The following FAM228B variants were observed in gnomAD, a reference collection of about 807,000 sequenced individuals.
The protein encoded by FAM228B is protein FAM228B.
Under a neutral mutation model 42.6 loss-of-function variants are expected in FAM228B, and 38 were observed. The ratio of observed to expected loss-of-function variants is 0.89; its 90% CI spans 0.69 to 1.17. The LOEUF (loss-of-function observed/expected upper bound fraction) is 1.17, where lower values mean the gene tolerates loss of function less well. Ranked by LOEUF, FAM228B falls within the 50% of genes most tolerant of loss-of-function variation. The pLI, the probability that FAM228B is intolerant of heterozygous loss-of-function variation, is 0.00. For missense variants in FAM228B, 344 were observed against 367.3 expected (o/e 0.94, Z 0.52); for synonymous variants, 109 against 122.3 (o/e 0.89, Z 0.72).
intron 3 of FAM228B, among the ~76,000 whole-genome samples, chr2:24,136,302 C>A (rs147111190): frequency 7.8e-4 from 119 of 152,210 alleles, no homozygotes; most frequent in Non-Finnish European, 1.6e-3. Flanking sequence ...TCTCGGCTCA[C>A]TGCAACTTCC....
chr2:24,142,880 T>G (rs1243671924), intron 5 of FAM228B: 2 of 152,230 alleles, frequency 1.3e-5, no homozygotes, highest in African/African-American at 2.4e-5. Flanking sequence ...TTCTTTGATA[T>G]TCAGTAATGA....
At chr2:24,139,245 A>G (rs1480714842) in intron 4 of FAM228B, 125 bp from the exon 5 acceptor site, 4 of 448,844 alleles carry the variant, frequency 8.9e-6, no homozygotes, top group South Asian at 6.2e-5. Context: ...TTCTTTTTGC[A>G]TTTGTCACTG....
intron 2 of FAM228B, among the ~76,000 whole-genome samples, chr2:24,132,464 GTT>G (rs548264853): frequency 1.5e-3 from 86 of 56,000 alleles, no homozygotes; most frequent in East Asian, 4.4e-3. Context: ...TCCTGGGATT[GTT>G]TTTTTTTTTT....
At chr2:24,102,219 A>C (rs189567118) in intron 3 of FAM228B, among the ~76,000 whole-genome samples, 1 of 148,666 alleles carries the variant, frequency 6.7e-6, no homozygotes, top group African/African-American at 2.4e-5. Flanking sequence ...CCAATCTGTT[A>C]CTCAGTCACA....
intron 3 of FAM228B, among the ~76,000 whole-genome samples, chr2:24,108,709 A>G (rs4665658): frequency 1 from 151,961 of 152,102 alleles, 75,910 homozygotes; most frequent in Middle Eastern, 1. Flanking sequence ...AGACCATCCT[A>G]GCTAACACGG....
intron 2 of FAM228B, 96 bp from the exon 3 acceptor site, chr2:24,135,023 T>G: frequency 1.2e-6 from 1 of 801,930 alleles, no homozygotes; most frequent in African/African-American, 1.8e-5. Flanking sequence ...TAGAGAACTT[T>G]CCAGGGATAT....
At chr2:24,135,313 G>A (rs1666553821) in intron 3 of FAM228B, 126 bp downstream of exon 3, 9 of 582,368 alleles carry the variant, frequency 1.5e-5, no homozygotes, top group Middle Eastern at 4.6e-4. Context: ...ACACTCCCTT[G>A]CACCTGGAAT....
chr2:24,119,393 G>A (rs2151005832), upstream of FAM228B, among the ~76,000 whole-genome samples: 1 of 152,172 alleles, frequency 6.6e-6, no homozygotes, highest in East Asian at 1.9e-4. Context: ...TCCAGTCCCT[G>A]AATCTACCTT....
At chr2:24,089,038 A>C (rs900377829) in intron 2 of FAM228B, among the ~76,000 whole-genome samples, 1 of 152,186 alleles carries the variant, frequency 6.6e-6, no homozygotes, top group Non-Finnish European at 1.5e-5. Flanking sequence ...TTTAGTAGAA[A>C]TGTATCCAAT....
chr2:24,079,512 G>A, intron 1 of FAM228B: 1 of 1,613,374 alleles, frequency 6.2e-7, no homozygotes, highest in Non-Finnish European at 8.5e-7. Context: ...TTTGAAAACA[G>A]GGGCCCATTG....
chr2:24,092,651 G>C (rs1310071215), intron 2 of FAM228B, among the ~76,000 whole-genome samples: 9 of 152,144 alleles, frequency 5.9e-5, no homozygotes, highest in Non-Finnish European at 2.9e-5. Flanking sequence ...TAAGGAGTTT[G>C]TCCTGTAGAA....
intron 3 of FAM228B, among the ~76,000 whole-genome samples, chr2:24,136,755 G>A (rs967860571): frequency 2.0e-5 from 3 of 152,218 alleles, no homozygotes; most frequent in East Asian, 3.9e-4. Flanking sequence ...CAGTGTATGC[G>A]ATATAAAAGT....
intron 3 of FAM228B, among the ~76,000 whole-genome samples, chr2:24,110,294 G>A (rs1665768486): frequency 6.6e-6 from 1 of 152,094 alleles, no homozygotes; most frequent in African/African-American, 2.4e-5. Context: ...GTGGAGGGTG[G>A]GAGGAGGGAG....
intron 2 of FAM228B, among the ~76,000 whole-genome samples, chr2:24,081,338 A>G (rs1392419157): frequency 1.3e-5 from 2 of 152,048 alleles, no homozygotes; most frequent in Admixed American, 6.6e-5. Context: ...CATAATCTCT[A>G]TTTTACCTAT....
intron 3 of FAM228B, among the ~76,000 whole-genome samples, chr2:24,103,517 C>G (rs889763899): frequency 2.0e-5 from 3 of 152,222 alleles, no homozygotes; most frequent in African/African-American, 7.2e-5. Context: ...TTGTGTGGGT[C>G]TCTCTGCGTA....
At chr2:24,162,161 CA>C (rs1359421537) in intron 8 of FAM228B, among the ~76,000 whole-genome samples, 2 of 152,006 alleles carry the variant, frequency 1.3e-5, no homozygotes, top group Non-Finnish European at 2.9e-5. Context: ...ACAGAAATAA[CA>C]AACACAGAAA....
At chr2:24,099,872 T>C (rs918158404) in intron 3 of FAM228B, among the ~76,000 whole-genome samples, 1 of 152,148 alleles carries the variant, frequency 6.6e-6, no homozygotes, top group African/African-American at 2.4e-5. Context: ...CAAACTATAC[T>C]ACAAGGCTAC....
chr2:24,165,870 C>T lies in FAM228B; in HGVS notation c.932+1535C>T, dbSNP rs530659008. 6.0e-5 allele frequency: 10 copies of T among 166,018 alleles called. No homozygotes were observed. In the South Asian group the frequency reaches 7.8e-4, roughly 13 times the overall value. The allele number at this position is 166,018 out of a possible 1,614,324, so 10.3% of individuals were successfully genotyped here. A position where few individuals can be genotyped will look rare whatever the true frequency, so the allele number is the denominator to read the frequency against. On this transcript the variant is annotated intron_variant, in intron 9 of 10. Coordinates refer to ENST00000615575, the MANE Select transcript of FAM228B (RefSeq NM_001145710.2). The stretch of plus-strand genomic sequence containing the variant: ...CAGCCTGATCAACATGGAGAAACCC[C>T]GTCTCTACTGAAAAATACAAAGTTA...
chr2:24,146,737 C>G lies in FAM228B; in HGVS notation c.442-11C>G. 6.5e-7 allele frequency: 1 copy of G among 1,536,344 alleles called. No individual in the cohort carries two copies. Among genetic ancestry groups the G allele is most frequent in the Non-Finnish European group, 8.8e-7 (1 of 1,136,180 alleles). ...TGCAACTCAGTGCTTAAACAAGTGC[C>G]TCTCTTGTAGGTTACCATCCCACCA... On this transcript the variant is annotated splice_polypyrimidine_tract_variant and intron_variant, in intron 5 of 10. Coordinates refer to ENST00000615575, the MANE Select transcript of FAM228B (RefSeq NM_001145710.2).
Sources: gnomAD v4.1 joint callset for allele counts (sites outside exome capture counted in the v4.1 genomes callset) on GRCh38, gnomAD v4.1.1 for gene constraint, MANE v1.5 for transcripts, NCBI Gene and HGNC (gene_info 2026-07-23, HGNC 2026-07-21) for gene names.